The following PRELID3B variants were observed in gnomAD, a reference collection of about 807,000 sequenced individuals.
The protein encoded by PRELID3B is PRELI domain containing 3B.
A neutral mutation model predicts 24.0 loss-of-function variants in PRELID3B; 15 were observed. The observed-to-expected ratio is 0.63, with a 90% CI of 0.42 to 0.96. The LOEUF (loss-of-function observed/expected upper bound fraction) is 0.96, where lower values mean the gene tolerates loss of function less well. PRELID3B is among the 40% of genes least tolerant of loss of function. The pLI is 0.00. For synonymous variants in PRELID3B, 62 were observed against 76.0 expected, an observed-to-expected ratio of 0.82 and a Z score of 0.96; for missense variants, 189 against 236.0, an observed-to-expected ratio of 0.80 and a Z score of 1.30.
intron 3 of PRELID3B, 83 bp downstream of exon 3, chr20:59,037,108 C>T: frequency 2.0e-6 from 2 of 997,568 alleles, no homozygotes; most frequent in Non-Finnish European, 3.1e-6. Flanking sequence ...CATGAACACG[C>T]ACTCACTTCT....
At chr20:59,036,411 C>T (rs867273721) in intron 5 of PRELID3B, 60 bp downstream of exon 5, 1 of 1,305,310 alleles carries the variant, frequency 7.7e-7, no homozygotes, top group African/African-American at 1.5e-5. Context: ...GCAGTCAGCA[C>T]CCCATTCCAT....
intron 2 of PRELID3B, 29 bp downstream of exon 2, chr20:59,038,437 C>T (rs1180729358): frequency 1.3e-6 from 2 of 1,597,116 alleles, no homozygotes; most frequent in Non-Finnish European, 1.7e-6. Flanking sequence ...ACAGCAGTCA[C>T]ATTTCTCCGG....
chr20:59,038,378 G>T, intron 2 of PRELID3B, 88 bp downstream of exon 2: 1 of 1,095,074 alleles, frequency 9.1e-7, no homozygotes, highest in Non-Finnish European at 1.3e-6. Flanking sequence ...ATTCAGAATC[G>T]GCTCCCACAA....
At chr20:59,038,715 CT>C in intron 1 of PRELID3B, 81 bp from the exon 2 acceptor site, 1 of 1,454,996 alleles carries the variant, frequency 6.9e-7, no homozygotes, top group Non-Finnish European at 9.1e-7. Context: ...TTTTTATAAT[CT>C]ATCAAATCAT....
At position 59,036,781 on chromosome 20, in the gene PRELID3B, A is replaced by C. The variant is rs189558887; in HGVS notation, c.292-21T>G. The C allele has an allele frequency of 7.0e-4, 1,023 of 1,464,802 alleles. 22 individuals are homozygous for C. In the Admixed American group the frequency reaches 0.021, roughly 31 times the overall value. 90.7% of individuals were successfully genotyped at this position (1,464,802 alleles called of 1,614,324 possible). A position where few individuals can be genotyped will look rare whatever the true frequency, so the allele number is the denominator to read the frequency against. ...GAAATCTACAGAATGAAGAAAAAAA[A>C]AAAAGATCAAATCATTTTGGAACTG... On this transcript the variant is annotated intron_variant, in intron 3 of 5. Coordinates refer to ENST00000355937, the MANE Select transcript of PRELID3B (RefSeq NM_016045.3).
intron 1 of PRELID3B, among the ~76,000 whole-genome samples, chr20:59,041,568 C>G (rs1021607326): frequency 1.5e-4 from 23 of 152,148 alleles, no homozygotes; most frequent in African/African-American, 5.5e-4. Flanking sequence ...AACTCCGTCT[C>G]TACTAAAAAT....
intron 2 of PRELID3B, among the ~76,000 whole-genome samples, chr20:59,037,801 T>C (rs1486031601): frequency 6.6e-6 from 1 of 152,222 alleles, no homozygotes; most frequent in East Asian, 1.9e-4. Context: ...CTCATTTCTG[T>C]GTCTGCACTA....
intron 1 of PRELID3B, among the ~76,000 whole-genome samples, chr20:59,039,342 T>C (rs1273200268): frequency 2.0e-5 from 3 of 152,266 alleles, no homozygotes; most frequent in African/African-American, 7.2e-5. Context: ...TCACCTAGTA[T>C]TGAAGTGGTA....
rs1156362562 is a variant in PRELID3B at position 59,040,878 on chromosome 20, G to C, written c.32+1821C>G. Among the ~76,000 whole-genome samples, 1 of 152,138 alleles carries C rather than the reference G, an allele frequency of 6.6e-6. No homozygotes were observed. Among genetic ancestry groups the C allele is most frequent in the African/African-American group, 2.4e-5 (1 of 41,426 alleles). ...ACAGCTCAGATTATGTGGGGAGAAA[G>C]CACGGATCAGGGCTGCTTCTCCCAG... On this transcript the variant is annotated intron_variant, in intron 1 of 5. Coordinates refer to ENST00000355937, the MANE Select transcript of PRELID3B (RefSeq NM_016045.3). The surrounding 1 kb of genome is among the most constrained non-coding windows in gnomAD (Gnocchi z 4.1).
intron 1 of PRELID3B, among the ~76,000 whole-genome samples, chr20:59,038,892 C>G (rs1255358420): frequency 6.6e-6 from 1 of 152,184 alleles, no homozygotes; most frequent in Admixed American, 6.5e-5. Flanking sequence ...TCTACACCAT[C>G]TTTCCTACTT....
chr20:59,037,410 G>A lies in PRELID3B; in HGVS notation c.202-130C>T. 5.2e-6 allele frequency: 4 copies of A among 768,528 alleles called. 1 individual carries two copies. Among genetic ancestry groups the A allele is most frequent in the South Asian group, 4.4e-5 (3 of 67,876 alleles). 47.6% of individuals were successfully genotyped at this position (768,528 alleles called of 1,614,324 possible). A position where few individuals can be genotyped will look rare whatever the true frequency, so the allele number is the denominator to read the frequency against. On this transcript the variant is annotated intron_variant, in intron 2 of 5. Coordinates refer to ENST00000355937, the MANE Select transcript of PRELID3B (RefSeq NM_016045.3). ...AAAATCTGTTTTCTAAAAACCAGAG[G>A]AAACAAGCAAAGGTCAGAAAGGAGG...
intron 1 of PRELID3B, among the ~76,000 whole-genome samples, chr20:59,039,115 G>T (rs926951726): frequency 6.6e-6 from 1 of 152,188 alleles, no homozygotes; most frequent in Admixed American, 6.5e-5. Context: ...ATCACAAAAA[G>T]ATCCAAAGCA....
intron 5 of PRELID3B, among the ~76,000 whole-genome samples, 167 bp from the exon 6 acceptor site, chr20:59,035,293 A>C (rs1303944916): frequency 6.6e-6 from 1 of 152,234 alleles, no homozygotes; most frequent in Non-Finnish European, 1.5e-5. Flanking sequence ...CAAACATCAA[A>C]TGCCTTGAGC....
chr20:59,034,728 A>G lies in PRELID3B; in HGVS notation c.*279T>C, dbSNP rs919717050. 7 of 298,182 alleles carry G rather than the reference A, an allele frequency of 2.3e-5. No homozygotes were observed. Among genetic ancestry groups the G allele is most frequent in the African/African-American group, 1.3e-4 (6 of 45,422 alleles). The allele number at this position is 298,182 out of a possible 1,614,324, so 18.5% of individuals were successfully genotyped here. On this transcript the variant is annotated 3_prime_UTR_variant, in exon 6 of 6. Transcript: ENST00000355937. ...AAAATCTACCTTAAGGAGACTGAAT[A>G]TCAATACCAGTTTCCAAGGAGTTCT...
At position 59,040,869 on chromosome 20, in the gene PRELID3B, G is replaced by A. The variant is rs2146395434; in HGVS notation, c.32+1830C>T. On this transcript the variant is annotated intron_variant, in intron 1 of 5. Coordinates refer to ENST00000355937, the MANE Select transcript of PRELID3B (RefSeq NM_016045.3). The surrounding 1 kb of genome is among the most constrained non-coding windows in gnomAD (Gnocchi z 4.1). ...TTTGACCAAACAGCTCAGATTATGT[G>A]GGGAGAAAGCACGGATCAGGGCTGC... 6.6e-6 allele frequency among the ~76,000 whole-genome samples: 1 copy of A among 152,238 alleles called. No homozygotes were observed. Among genetic ancestry groups the A allele is most frequent in the East Asian group, 1.9e-4 (1 of 5,180 alleles).
intron 1 of PRELID3B, among the ~76,000 whole-genome samples, chr20:59,039,306 C>T (rs573292723): frequency 1.3e-5 from 2 of 152,182 alleles, no homozygotes; most frequent in Admixed American, 1.3e-4. Flanking sequence ...CTAATATTCT[C>T]TTTTAATATA....
intron 1 of PRELID3B, among the ~76,000 whole-genome samples, chr20:59,041,457 A>T (rs1381728081): frequency 6.6e-6 from 1 of 152,208 alleles, no homozygotes; most frequent in Non-Finnish European, 1.5e-5. Context: ...CCACACCTGT[A>T]ATCCCGGCAC....
At chr20:59,036,136 T>C (rs2092070407) in intron 5 of PRELID3B, among the ~76,000 whole-genome samples, 1 of 152,134 alleles carries the variant, frequency 6.6e-6, no homozygotes, top group Non-Finnish European at 1.5e-5. Flanking sequence ...CAGCTACACA[T>C]CATCGAGCAC....
chr20:59,037,292 A>G lies in PRELID3B; in HGVS notation c.202-12T>C, dbSNP rs1325841023. ...GCTGCACCAATAAGCTAAGTAAAAC[A>G]TTCAGAACTAGGAATCAGAGGAGGA... On this transcript the variant is annotated splice_polypyrimidine_tract_variant and intron_variant, in intron 2 of 5. Transcript: ENST00000355937. 6.3e-7 allele frequency: 1 copy of G among 1,589,718 alleles called. No individual in the cohort carries two copies. The highest frequency in any genetic ancestry group is 1.7e-5 in the Admixed American group (1 of 59,896).
Sources: gnomAD v4.1 joint callset for allele counts (sites outside exome capture counted in the v4.1 genomes callset) on GRCh38, gnomAD v4.1.1 for gene constraint, Gnocchi (gnomAD v3.1) non-coding constraint, MANE v1.5 for transcripts, NCBI Gene and HGNC (gene_info 2026-07-23, HGNC 2026-07-21) for gene names.